BCAS1: variants seen among roughly 807,000 people sequenced by gnomAD.
BCAS1 encodes the protein breast carcinoma-amplified sequence 1.
In BCAS1, 46 loss-of-function variants were observed where a neutral mutation model predicts 65.4. The observed-to-expected ratio is 0.70, with a 90% CI of 0.55 to 0.90. The LOEUF (loss-of-function observed/expected upper bound fraction) is 0.90. Among genes scored for constraint, BCAS1 ranks in the 40% least tolerant of loss-of-function variants. BCAS1 has a pLI of 0.00. For synonymous variants in BCAS1, 298 were observed against 293.5 expected (o/e 1.02, Z -0.16); for missense variants, 793 against 771.2 (o/e 1.03, Z -0.33).
At chr20:53,965,827 T>G (rs1403213825) in intron 10 of BCAS1, among the ~76,000 whole-genome samples, 2 of 151,970 alleles carry the variant, frequency 1.3e-5, no homozygotes, top group Non-Finnish European at 2.9e-5. Context: ...CCTCATATCA[T>G]TACCATAATA....
At chr20:54,057,870 T>C (rs1417267328) in intron 3 of BCAS1, among the ~76,000 whole-genome samples, 1 of 152,264 alleles carries the variant, frequency 6.6e-6, no homozygotes. Flanking sequence ...TGCTGACAAC[T>C]TTATTTTGAA....
At chr20:53,999,558 G>A (rs552824081) in intron 4 of BCAS1, among the ~76,000 whole-genome samples, 11 of 150,522 alleles carry the variant, frequency 7.3e-5, no homozygotes, top group South Asian at 4.2e-4. Context: ...TTTCCTGCCC[G>A]TTTTTTTTTG....
intron 4 of BCAS1, among the ~76,000 whole-genome samples, chr20:54,017,386 T>C (rs569725369): frequency 1.2e-3 from 161 of 134,846 alleles, no homozygotes; most frequent in African/African-American, 4.0e-3. Context: ...TTATGTGTGA[T>C]TTTTTTTCTT....
At chr20:53,972,851 G>A (rs1250154269) in intron 9 of BCAS1, among the ~76,000 whole-genome samples, 1 of 152,176 alleles carries the variant, frequency 6.6e-6, no homozygotes, top group Non-Finnish European at 1.5e-5. Context: ...GTAAACTGAG[G>A]CTCAAGAGGT....
intron 2 of BCAS1, 56 bp downstream of exon 2, chr20:54,058,591 T>TCC: frequency 6.6e-7 from 1 of 1,523,860 alleles, no homozygotes; most frequent in South Asian, 1.2e-5. Flanking sequence ...ATACAGGAAG[T>TCC]TCTTTTTTTT....
intron 4 of BCAS1, among the ~76,000 whole-genome samples, chr20:54,009,886 A>T (rs1234034653): frequency 1.3e-5 from 2 of 152,216 alleles, no homozygotes; most frequent in Non-Finnish European, 2.9e-5. Flanking sequence ...CATCATAACC[A>T]AATGGGATTT....
chr20:54,032,824 G>A lies in BCAS1; in HGVS notation c.143-3852C>T, dbSNP rs1040437332. 4.6e-5 allele frequency among the ~76,000 whole-genome samples: 7 copies of A among 151,174 alleles called. 2 individuals are homozygous for A. The highest frequency in any genetic ancestry group is 9.7e-5 in the African/African-American group (4 of 41,324). On this transcript the variant is annotated intron_variant, in intron 3 of 12. Coordinates refer to ENST00000688948, the MANE Select transcript of BCAS1 (RefSeq NM_001366298.2). ...ACACAGGAACACCCAGATTCATAAA[G>A]CAAGTTTATGGAGACCTTCAAACAG...
intron 7 of BCAS1, among the ~76,000 whole-genome samples, chr20:53,990,640 A>G (rs2090732606): frequency 6.6e-6 from 1 of 152,192 alleles, no homozygotes; most frequent in Non-Finnish European, 1.5e-5. Context: ...TGTCACTGAG[A>G]GAATCTGGCT....
At chr20:54,069,656 C>T (rs1182294327) in intron 1 of BCAS1, among the ~76,000 whole-genome samples, 1 of 152,224 alleles carries the variant, frequency 6.6e-6, no homozygotes, top group Non-Finnish European at 1.5e-5. Flanking sequence ...CTAAGAGTTA[C>T]TAAGTGCACA....
intron 12 of BCAS1, among the ~76,000 whole-genome samples, chr20:53,953,105 G>C (rs2089580394): frequency 6.6e-6 from 1 of 152,202 alleles, no homozygotes; most frequent in African/African-American, 2.4e-5. Flanking sequence ...ACTTCTACAT[G>C]CTGATTGCTC....
chr20:54,035,628 A>G (rs1568904555), intron 3 of BCAS1, among the ~76,000 whole-genome samples: 2 of 151,122 alleles, frequency 1.3e-5, no homozygotes, highest in African/African-American at 4.8e-5. Flanking sequence ...TAGTTCAACC[A>G]TTGTGGAAGA....
chr20:53,975,554 G>A (rs6068749), intron 8 of BCAS1, 124 bp from the exon 9 acceptor site: 1 of 515,864 alleles, frequency 1.9e-6, no homozygotes, highest in East Asian at 3.4e-5. Context: ...GAATTGCCTA[G>A]GTACACCTCC....
chr20:53,952,391 C>T (rs1190511797), intron 12 of BCAS1, among the ~76,000 whole-genome samples: 4 of 152,184 alleles, frequency 2.6e-5, no homozygotes, highest in African/African-American at 9.7e-5. Context: ...ACATCTAAAA[C>T]ACCTCCCCAC....
In BCAS1 at chr20:53,981,518, G is replaced by T. The variant is rs572519543; in HGVS notation, c.1275+3769C>A. Among the ~76,000 whole-genome samples, 338 of 150,912 alleles carry T rather than the reference G, an allele frequency of 2.2e-3. 2 individuals carry two copies. Among genetic ancestry groups the T allele is most frequent in the African/African-American group, 7.8e-3 (320 of 41,134 alleles). On this transcript the variant is annotated intron_variant, in intron 8 of 12. Coordinates refer to ENST00000688948, the MANE Select transcript of BCAS1 (RefSeq NM_001366298.2). ...TTTCAGAATCGGGTTATAATTCACTGAATATCAGTCATTTGGCGTTCTTTT... is the reference window on the plus strand; with the variant it reads ...TTTCAGAATCGGGTTATAATTCACTTAATATCAGTCATTTGGCGTTCTTTT...
At chr20:53,945,409 T>C (rs1001202001) in intron 12 of BCAS1, among the ~76,000 whole-genome samples, 9 of 143,388 alleles carry the variant, frequency 6.3e-5, no homozygotes, top group African/African-American at 2.3e-4. Flanking sequence ...TTCTTCTTTT[T>C]TTTTTATTAT....
intron 4 of BCAS1, among the ~76,000 whole-genome samples, chr20:54,006,709 CAAAA>C (rs762645740): frequency 1.1e-5 from 1 of 93,630 alleles, no homozygotes; most frequent in African/African-American, 3.2e-5. Context: ...GACTCCATCT[CAAAA>C]AAAAAAAAAA....
At chr20:54,045,832 T>C (rs2092093674) in intron 3 of BCAS1, among the ~76,000 whole-genome samples, 1 of 152,250 alleles carries the variant, frequency 6.6e-6, no homozygotes, top group African/African-American at 2.4e-5. Context: ...GGTTTTCTTT[T>C]CTCAAATTAA....
chr20:53,943,970 T>A lies in BCAS1; in HGVS notation c.*952A>T, dbSNP rs950479156. On this transcript the variant is annotated 3_prime_UTR_variant, in exon 13 of 13. Coordinates refer to ENST00000688948, the MANE Select transcript of BCAS1 (RefSeq NM_001366298.2). ...ACTTCCTTTATTTTTTATTTATTTT[T>A]TTTTTTTAAGTTGTAATCTTTGCCG... 7.2e-5 allele frequency: 11 copies of A among 152,126 alleles called. No homozygotes were observed. The highest frequency in any genetic ancestry group is 2.0e-4 in the Admixed American group (3 of 15,282). 9.4% of individuals were successfully genotyped at this position (152,126 alleles called of 1,614,324 possible). A position where few individuals can be genotyped will look rare whatever the true frequency, so the allele number is the denominator to read the frequency against.
At chr20:54,020,222 G>A (rs943784477) in intron 4 of BCAS1, among the ~76,000 whole-genome samples, 3 of 152,090 alleles carry the variant, frequency 2.0e-5, no homozygotes, top group Admixed American at 1.3e-4. Context: ...TTACCTCTCC[G>A]TGACTTAGTA....
Sources: gnomAD v4.1 joint callset for allele counts (sites outside exome capture counted in the v4.1 genomes callset) on GRCh38, gnomAD v4.1.1 for gene constraint, MANE v1.5 for transcripts, NCBI Gene and HGNC (gene_info 2026-07-23, HGNC 2026-07-21) for gene names.